The following CACNA2D3 variants were observed in gnomAD, a reference collection of about 807,000 sequenced individuals.
CACNA2D3 encodes voltage-dependent calcium channel subunit alpha-2/delta-3.
Under a neutral mutation model 160.6 loss-of-function variants are expected in CACNA2D3, and 60 were observed. The observed-to-expected ratio is 0.37, with a 90% CI of 0.30 to 0.46. The LOEUF (loss-of-function observed/expected upper bound fraction) is 0.46. Ranked by LOEUF, CACNA2D3 falls within the 20% of genes least tolerant of loss-of-function variation. CACNA2D3 has a pLI of 1.00. For synonymous variants in CACNA2D3, 558 were observed against 492.9 expected (o/e 1.13, Z -1.75); for missense variants, 1,205 against 1,365.0 (o/e 0.88, Z 1.85).
chr3:54,845,553 A>G (rs1381046953), intron 16 of CACNA2D3, among the ~76,000 whole-genome samples: 1 of 152,368 alleles, frequency 6.6e-6, no homozygotes, highest in Admixed American at 6.5e-5. Flanking sequence ...TAATACATGA[A>G]TGATTTGTAG....
At chr3:54,742,994 T>C (rs1451333676) in intron 11 of CACNA2D3, among the ~76,000 whole-genome samples, 1 of 152,298 alleles carries the variant, frequency 6.6e-6, no homozygotes, top group South Asian at 2.1e-4. Context: ...CTCAACTGAT[T>C]GATAACAGAT....
At chr3:54,924,832 A>T in intron 27 of CACNA2D3, 3 of 1,613,998 alleles carry the variant, frequency 1.9e-6, no homozygotes, top group Non-Finnish European at 2.5e-6. Flanking sequence ...ATGTTGTTTG[A>T]TGACAAATCA....
intron 11 of CACNA2D3, among the ~76,000 whole-genome samples, chr3:54,643,295 G>A (rs1251783623): frequency 3.9e-5 from 6 of 152,278 alleles, no homozygotes; most frequent in African/African-American, 1.4e-4. Flanking sequence ...GAGATGGGAG[G>A]TGTCTTTCTA....
At chr3:54,271,360 A>G (rs1247094809) in intron 2 of CACNA2D3, among the ~76,000 whole-genome samples, 1 of 152,090 alleles carries the variant, frequency 6.6e-6, no homozygotes. Context: ...TCCTTTTGAC[A>G]TGGCCCTCCA....
intron 11 of CACNA2D3, among the ~76,000 whole-genome samples, chr3:54,695,787 T>G (rs1276284390): frequency 2.0e-5 from 3 of 152,242 alleles, no homozygotes; most frequent in African/African-American, 7.2e-5. Context: ...TCCTTATTGA[T>G]TTGCAAGAAG....
chr3:54,969,991 T>C (rs1020254309), intron 29 of CACNA2D3, 147 bp downstream of exon 29: 3 of 600,386 alleles, frequency 5.0e-6, no homozygotes, highest in East Asian at 6.2e-5. Context: ...ATTTGCTTTA[T>C]TTGCTTTGTT....
intron 4 of CACNA2D3, among the ~76,000 whole-genome samples, chr3:54,391,545 C>T (rs940287949): frequency 2.2e-4 from 32 of 148,216 alleles, no homozygotes; most frequent in Non-Finnish European, 4.6e-4. Context: ...GAGTCTTGAT[C>T]TGTCACCCAG....
intron 13 of CACNA2D3, among the ~76,000 whole-genome samples, chr3:54,801,176 T>TG (rs1702978202): frequency 6.6e-6 from 1 of 151,968 alleles, no homozygotes; most frequent in Non-Finnish European, 1.5e-5. Context: ...TTATTAGAGA[T>TG]GGGGTTTCAC....
In CACNA2D3 at chr3:54,195,284, T is replaced by C. The variant is rs1322532257; in HGVS notation, c.204+71690T>C. 5.9e-5 allele frequency among the ~76,000 whole-genome samples: 9 copies of C among 152,124 alleles called. 1 individual carries two copies. Among genetic ancestry groups the C allele is most frequent in the Admixed American group, 5.9e-4 (9 of 15,286 alleles). Reference sequence around the variant, plus strand: ...TCAAGTCCAAGTTCCTTAACATGCCTCCCCACCCTGGCTTATTTCTGCGTC... The same window carrying C: ...TCAAGTCCAAGTTCCTTAACATGCCCCCCCACCCTGGCTTATTTCTGCGTC... On this transcript the variant is annotated intron_variant, in intron 2 of 37. Transcript: ENST00000474759.
intron 2 of CACNA2D3, among the ~76,000 whole-genome samples, chr3:54,308,427 C>G (rs1703657166): frequency 6.6e-6 from 1 of 152,134 alleles, no homozygotes; most frequent in Non-Finnish European, 1.5e-5. Context: ...TCTCCACTCC[C>G]TCTCCCCCAA....
At chr3:55,064,193 C>T (rs954649890) in intron 35 of CACNA2D3, among the ~76,000 whole-genome samples, 49 of 152,230 alleles carry the variant, frequency 3.2e-4, no homozygotes, top group Non-Finnish European at 4.4e-5. Context: ...TGAATCTCCC[C>T]TTGCCAGGGG....
At chr3:54,528,658 T>A (rs908426576) in intron 5 of CACNA2D3, among the ~76,000 whole-genome samples, 10 of 152,316 alleles carry the variant, frequency 6.6e-5, no homozygotes, top group African/African-American at 2.4e-4. Flanking sequence ...AAACACACGT[T>A]TTTTTATGCC....
At chr3:54,801,214 C>T (rs1054351918) in intron 13 of CACNA2D3, among the ~76,000 whole-genome samples, 11 of 152,116 alleles carry the variant, frequency 7.2e-5, no homozygotes, top group African/African-American at 2.7e-4. Flanking sequence ...TGTCAAACTC[C>T]TGACCTCAAG....
intron 3 of CACNA2D3, among the ~76,000 whole-genome samples, chr3:54,376,479 G>T (rs1314876281): frequency 6.6e-6 from 1 of 152,208 alleles, no homozygotes. Context: ...GTGAGGATTT[G>T]CTGGATTCAA....
chr3:54,340,507 T>C (rs888655519), intron 3 of CACNA2D3, among the ~76,000 whole-genome samples: 1 of 152,280 alleles, frequency 6.6e-6, no homozygotes, highest in African/African-American at 2.4e-5. Context: ...GAATATAAAG[T>C]GAAACAGAAA....
chr3:54,487,054 T>A (rs1701026669), intron 4 of CACNA2D3, among the ~76,000 whole-genome samples: 1 of 152,186 alleles, frequency 6.6e-6, no homozygotes, highest in Non-Finnish European at 1.5e-5. Flanking sequence ...TTGATGCAGA[T>A]GATTGGGGAT....
Position 54,717,465 on chromosome 3 carries a change from C to A in CACNA2D3, c.1168-35134C>A, listed in dbSNP as rs371433050. Among the ~76,000 whole-genome samples the A allele has an allele frequency of 7.9e-5, 12 of 152,274 alleles. No homozygotes were observed. In the East Asian group the frequency reaches 2.1e-3, roughly 27 times the overall value. On this transcript the variant is annotated intron_variant, in intron 11 of 37. Transcript: ENST00000474759. ...GTTTATCTTTGCCAACGTTTGCAAT[C>A]CCAAATGTTCTTAATTTTCACCATT...
At position 54,386,626 on chromosome 3, in the gene CACNA2D3, A is replaced by G. The variant is rs1575427159; in HGVS notation, c.322-89A>G. The G allele has an allele frequency of 6.7e-6, 8 of 1,198,682 alleles. No individual in the cohort carries two copies. The East Asian group carries it at 2.0e-4, about 30-fold the overall frequency. The allele number at this position is 1,198,682 out of a possible 1,614,324, so 74.3% of individuals were successfully genotyped here. On this transcript the variant is annotated intron_variant, in intron 3 of 37. Coordinates refer to ENST00000474759, the MANE Select transcript of CACNA2D3 (RefSeq NM_018398.3). Reference sequence around the variant, plus strand: ...ATCACAATGTATGAACCACGATATAATATGTCACTTTTGGTCAATGGAGAA... The same window carrying G: ...ATCACAATGTATGAACCACGATATAGTATGTCACTTTTGGTCAATGGAGAA...
intron 2 of CACNA2D3, among the ~76,000 whole-genome samples, chr3:54,217,196 C>T (rs536845695): frequency 6.6e-6 from 1 of 152,198 alleles, no homozygotes; most frequent in East Asian, 1.9e-4. Context: ...GTGAAGCAGC[C>T]AGAGGCGTGT....
Sources: allele counts gnomAD v4.1 joint callset (sites outside exome capture counted in the v4.1 genomes callset), GRCh38; gene constraint gnomAD v4.1.1; transcripts MANE v1.5; gene names NCBI Gene and HGNC (gene_info 2026-07-23, HGNC 2026-07-21).